RANBP9: variants seen among roughly 807,000 people sequenced by gnomAD.
RANBP9 encodes the protein RAN binding protein 9.
A neutral mutation model predicts 84.3 loss-of-function variants in RANBP9; 15 were observed. That is an observed-to-expected ratio of 0.18 (90% confidence interval 0.12 to 0.27). The LOEUF is 0.27. Ranked by LOEUF, RANBP9 falls within the 10% of genes least tolerant of loss-of-function variation. The pLI, the probability that RANBP9 is intolerant of heterozygous loss-of-function variation, is 1.00. For missense variants in RANBP9, 809 were observed against 912.8 expected, an observed-to-expected ratio of 0.89 and a Z score of 1.46; for synonymous variants, 392 against 349.6, an observed-to-expected ratio of 1.12 and a Z score of -1.35.
chr6:13,633,218 T>C (rs1584912762), intron 11 of RANBP9, among the ~76,000 whole-genome samples: 1 of 152,170 alleles, frequency 6.6e-6, no homozygotes, highest in African/African-American at 2.4e-5. Flanking sequence ...TATTTTTTAG[T>C]AGAAATGGGG....
chr6:13,667,670 T>G (rs1584932334), intron 2 of RANBP9, among the ~76,000 whole-genome samples: 1 of 152,238 alleles, frequency 6.6e-6, no homozygotes, highest in Admixed American at 6.5e-5. Context: ...AATTCCCTAT[T>G]GTAACACAAT....
Position 13,711,363 on chromosome 6 carries a change from G to C in RANBP9, c.143C>G (p.Ala48Gly), listed in dbSNP as rs1036259332. The C allele has an allele frequency of 1.5e-5, 17 of 1,157,346 alleles. No individual in the cohort carries two copies. Among genetic ancestry groups the C allele is most frequent in the Non-Finnish European group, 1.7e-5 (16 of 940,594 alleles). The allele number at this position is 1,157,346 out of a possible 1,614,324, so 71.7% of individuals were successfully genotyped here. Residue 48 changes from alanine to glycine, a missense_variant, in exon 1 of 14, where the codon GCC becomes GGC. This residue lies in a region of RANBP9 where 302 missense variants were observed against 240.1 expected (regional missense o/e 1.26). Coordinates refer to ENST00000011619, the MANE Select transcript of RANBP9 (RefSeq NM_005493.3). ...PPAVSAGSSP[A>G]GSPGGGAGGE... is the part of the protein sequence containing the mutation. ...GCCCGCACCGCCGCCGGGCGAGCCG[G>C]CCGGAGAAGAGCCGGCGCTGACGGC...
At chr6:13,634,953 G>A (rs1408343618) in intron 10 of RANBP9, among the ~76,000 whole-genome samples, 3 of 152,038 alleles carry the variant, frequency 2.0e-5, no homozygotes, top group African/African-American at 7.2e-5. Context: ...AGTATGTAAG[G>A]GGAAAACCTC....
rs747457705 is a variant in RANBP9, at chr6:13,711,455, C to T, written c.51G>A (p.Gln17=). 141 of 1,228,298 alleles carry T rather than the reference C, an allele frequency of 1.1e-4. 1 individual carries two copies. Among genetic ancestry groups the T allele is most frequent in the Non-Finnish European group, 1.4e-4 (137 of 984,624 alleles). 76.1% of individuals were successfully genotyped at this position (1,228,298 alleles called of 1,614,324 possible). The stretch of plus-strand genomic sequence containing the variant: ...CCGCCGGCGGTGGCGGCGACAGCTG[C>T]TGCTGCTGTTGCTGCTGCTGCGGCG... ...PPPPQQQQQQ[Q]QLSPPPPAAL... The change falls in exon 1 of 14, where the codon CAG becomes CAA. Residue 17 remains glutamine (Q), a synonymous_variant. Coordinates refer to ENST00000011619, the MANE Select transcript of RANBP9 (RefSeq NM_005493.3).
chr6:13,650,174 T>G (rs925222796), intron 5 of RANBP9, among the ~76,000 whole-genome samples: 16 of 151,292 alleles, frequency 1.1e-4, no homozygotes, highest in Admixed American at 1.1e-3. Flanking sequence ...TTGTTTTTTT[T>G]TTTTTTAGTA....
intron 5 of RANBP9, among the ~76,000 whole-genome samples, chr6:13,647,193 T>C (rs1164672079): frequency 2.6e-5 from 4 of 152,186 alleles, no homozygotes; most frequent in African/African-American, 7.2e-5. Flanking sequence ...TGCAAAGATA[T>C]GTCTTGTAGC....
chr6:13,682,182 C>T (rs551910167), intron 2 of RANBP9, among the ~76,000 whole-genome samples: 8 of 152,098 alleles, frequency 5.3e-5, no homozygotes, highest in South Asian at 4.1e-4. Flanking sequence ...CTTCAACAGT[C>T]TTACTTTGAA....
At chr6:13,666,669 G>C (rs11962712) in intron 2 of RANBP9, among the ~76,000 whole-genome samples, 9,510 of 148,662 alleles carry the variant, frequency 0.064, 316 homozygotes, top group Middle Eastern at 0.089. Flanking sequence ...CCAGCTACTC[G>C]GGAGGATCAC....
intron 11 of RANBP9, among the ~76,000 whole-genome samples, chr6:13,634,202 T>C (rs1005123297): frequency 3.9e-5 from 6 of 152,190 alleles, no homozygotes; most frequent in African/African-American, 1.4e-4. Flanking sequence ...GCGCTAAACC[T>C]GAGCCTAAGC....
chr6:13,699,482 A>AT (rs950623559), intron 1 of RANBP9, among the ~76,000 whole-genome samples: 9 of 152,248 alleles, frequency 5.9e-5, no homozygotes, highest in South Asian at 4.1e-4. Context: ...AGTGTTTTAG[A>AT]TTTTTTTCAG....
At position 13,687,675 on chromosome 6, in the gene RANBP9, C is replaced by T. The variant is rs1403653164; in HGVS notation, c.683+9110G>A. ...CAGATTTCATGTAAAAAATTAAGTC[C>T]TAATTAGTTAACAAATCTGTCTACT... On this transcript the variant is annotated intron_variant, in intron 2 of 13. Coordinates refer to ENST00000011619, the MANE Select transcript of RANBP9 (RefSeq NM_005493.3). 1.3e-5 allele frequency among the ~76,000 whole-genome samples: 2 copies of T among 152,076 alleles called. 1 individual carries two copies. The highest frequency in any genetic ancestry group is 4.1e-4 in the South Asian group (2 of 4,824).
chr6:13,701,096 T>A (rs1172166399), intron 1 of RANBP9, among the ~76,000 whole-genome samples: 4 of 152,154 alleles, frequency 2.6e-5, no homozygotes, highest in African/African-American at 9.7e-5. Context: ...ACTCTTTGTG[T>A]TTTTTCTCCC....
intron 2 of RANBP9, among the ~76,000 whole-genome samples, chr6:13,671,028 C>T (rs528597326): frequency 6.6e-6 from 1 of 152,078 alleles, no homozygotes; most frequent in East Asian, 1.9e-4. Context: ...TCTGAATAGA[C>T]ATTTCTTCAA....
chr6:13,625,190 C>T (rs554184260), intron 13 of RANBP9, among the ~76,000 whole-genome samples: 2 of 152,282 alleles, frequency 1.3e-5, no homozygotes, highest in East Asian at 3.9e-4. Flanking sequence ...AATCTATGTT[C>T]TTAACGTTCT....
At chr6:13,708,671 CTT>C (rs1185775054) in intron 1 of RANBP9, among the ~76,000 whole-genome samples, 2 of 152,138 alleles carry the variant, frequency 1.3e-5, no homozygotes, top group African/African-American at 4.8e-5. Context: ...AAAATTCACT[CTT>C]CTTATTCTGT....
chr6:13,707,775 T>C (rs548696641), intron 1 of RANBP9, among the ~76,000 whole-genome samples: 10 of 152,288 alleles, frequency 6.6e-5, no homozygotes, highest in South Asian at 2.1e-4. Flanking sequence ...AATATAAAAA[T>C]GCAATCTGTT....
intron 2 of RANBP9, among the ~76,000 whole-genome samples, chr6:13,696,401 A>G (rs1256985919): frequency 6.6e-6 from 1 of 152,186 alleles, no homozygotes; most frequent in Non-Finnish European, 1.5e-5. Flanking sequence ...TAAAATTCTA[A>G]GTCCAACATC....
intron 2 of RANBP9, among the ~76,000 whole-genome samples, chr6:13,664,856 C>A (rs982315008): frequency 6.6e-6 from 1 of 152,158 alleles, no homozygotes; most frequent in Non-Finnish European, 1.5e-5. Flanking sequence ...CACAATCTGA[C>A]TTCAAAACAT....
intron 8 of RANBP9, 21 bp from the exon 9 acceptor site, chr6:13,639,774 T>C: frequency 6.4e-7 from 1 of 1,573,162 alleles, no homozygotes; most frequent in Non-Finnish European, 8.7e-7. Flanking sequence ...AAAGAAAAAT[T>C]TACTTAGACA....
Sources: gnomAD v4.1 joint callset for allele counts (sites outside exome capture counted in the v4.1 genomes callset) on GRCh38, gnomAD v4.1.1 for gene constraint, gnomAD v4.1.1 regional missense constraint, MANE v1.5 for transcripts, NCBI Gene and HGNC (gene_info 2026-07-23, HGNC 2026-07-21) for gene names.